MYH7B: variants seen among roughly 807,000 people sequenced by gnomAD.
MYH7B encodes myosin-7B.
Under a neutral mutation model 234.5 loss-of-function variants are expected in MYH7B, and 205 were observed. The observed-to-expected ratio is 0.87, with a 90% CI of 0.78 to 0.98. The LOEUF (loss-of-function observed/expected upper bound fraction) is 0.98. Ranked by LOEUF, MYH7B falls within the 50% of genes least tolerant of loss-of-function variation. The pLI, the probability that MYH7B is intolerant of heterozygous loss-of-function variation, is 0.00. For missense variants in MYH7B, 2,652 were observed against 2,633.4 expected, an observed-to-expected ratio of 1.01 and a Z score of -0.15; for synonymous variants, 1,193 against 1,105.0, an observed-to-expected ratio of 1.08 and a Z score of -1.58.
chr20:34,957,674 G>C (rs2081654507), intron 1 of MYH7B, among the ~76,000 whole-genome samples: 2 of 152,184 alleles, frequency 1.3e-5, no homozygotes, highest in African/African-American at 4.8e-5. Flanking sequence ...ATTTTTGGTA[G>C]AGACAGGGTT....
chr20:35,000,900 C>G lies in MYH7B; in HGVS notation c.5304+7C>G. 1 of 1,064,416 alleles carries G rather than the reference C, an allele frequency of 9.4e-7. No homozygotes were observed. Among genetic ancestry groups the G allele is most frequent in the Non-Finnish European group, 1.3e-6 (1 of 783,578 alleles). The allele number at this position is 1,064,416 out of a possible 1,614,324, so 65.9% of individuals were successfully genotyped here. A position where few individuals can be genotyped will look rare whatever the true frequency, so the allele number is the denominator to read the frequency against. On this transcript the variant is annotated splice_region_variant and intron_variant, in intron 40 of 44. Transcript: ENST00000262873. Reference sequence around the variant, plus strand: ...CAAAAAGGCCATCACTGATGTGAGGCTGGGCAAGGGCTGTGGGGAGCCTGG... The same window carrying G: ...CAAAAAGGCCATCACTGATGTGAGGGTGGGCAAGGGCTGTGGGGAGCCTGG...
intron 27 of MYH7B, among the ~76,000 whole-genome samples, chr20:34,994,827 A>C (rs928116371): frequency 6.6e-6 from 1 of 152,208 alleles, no homozygotes; most frequent in African/African-American, 2.4e-5. Flanking sequence ...TTTGTGTATC[A>C]ATTGTGTGCC....
Position 34,996,540 on chromosome 20 carries a change from C to CGA in MYH7B, c.3120+21_3120+22dup. On this transcript the variant is annotated intron_variant, in intron 29 of 44. Coordinates refer to ENST00000262873, the Ensembl canonical transcript of MYH7B. Reference sequence around the variant, plus strand: ...TGGAGGACGTGAGTCAGGGCCACCCCGAGACTGGGTGGCGGGGCCGGGGTG... The same window carrying CGA: ...TGGAGGACGTGAGTCAGGGCCACCCCGAGAGACTGGGTGGCGGGGCCGGGGTG... 2 of 1,605,346 alleles carry CGA rather than the reference C, an allele frequency of 1.2e-6. No homozygotes were observed. The highest frequency in any genetic ancestry group is 1.7e-6 in the Non-Finnish European group (2 of 1,175,468).
chr20:34,980,421 C>T (rs895393831), intron 7 of MYH7B, 157 bp from the exon 8 acceptor site: 4 of 667,846 alleles, frequency 6.0e-6, no homozygotes, highest in South Asian at 5.5e-5. Flanking sequence ...TGGTGGCACG[C>T]GCTTGTAGTC....
At chr20:34,998,183 T>C in intron 32 of MYH7B, 112 bp from the exon 33 acceptor site, 1 of 1,304,674 alleles carries the variant, frequency 7.7e-7, no homozygotes, top group Non-Finnish European at 1.1e-6. Context: ...TCCCTTTGAT[T>C]CCTGGGCCCA....
intron 24 of MYH7B, 76 bp downstream of exon 24, chr20:34,991,197 C>T (rs1178278258): frequency 9.8e-7 from 1 of 1,024,258 alleles, no homozygotes; most frequent in Non-Finnish European, 1.4e-6. Context: ...ATATCAGAGC[C>T]CAACAGACGG....
intron 24 of MYH7B, 78 bp from the exon 25 acceptor site, chr20:34,993,024 G>T: frequency 6.5e-7 from 1 of 1,544,852 alleles, no homozygotes; most frequent in Non-Finnish European, 8.8e-7. Flanking sequence ...AGCCTCCTCA[G>T]TCCCTGACTT....
At chr20:34,962,211 A>G (rs953688875) in intron 2 of MYH7B, among the ~76,000 whole-genome samples, 1 of 152,208 alleles carries the variant, frequency 6.6e-6, no homozygotes, top group Non-Finnish European at 1.5e-5. Flanking sequence ...TGGGTGACAG[A>G]GCGAGACCCT....
intron 28 of MYH7B, 135 bp from the exon 29 acceptor site, chr20:34,996,211 C>G (rs370453722): frequency 3.0e-6 from 3 of 1,009,896 alleles, no homozygotes; most frequent in Non-Finnish European, 1.4e-6. Context: ...CAGGCAGAAG[C>G]GGTGGAGGCT....
At chr20:34,987,244 G>A in exon 16 of MYH7B, 1 of 1,611,914 alleles carries the variant, frequency 6.2e-7, no homozygotes, top group Non-Finnish European at 8.5e-7. Context: ...TGAAGTTCAA[G>A]CAGAAGCAGC....
chr20:34,996,745 G>A lies in MYH7B; in HGVS notation c.3253G>A (p.Glu1085Lys), dbSNP rs1434809433. ...TGCTCAAGACAAGCAGCAGCTGGAG[G>A]AGAAGCTCAAGAAGTAGGTGTGGTG... The change falls in exon 30 of 45, where the codon GAG becomes AAG. Residue 1085 changes from glutamate (E) to lysine (K), a missense_variant. Transcript: ENST00000262873. The A allele has an allele frequency of 4.3e-6, 7 of 1,611,966 alleles. No homozygotes were observed. In the Admixed American group the frequency reaches 6.7e-5, roughly 15 times the overall value.
intron 2 of MYH7B, among the ~76,000 whole-genome samples, chr20:34,963,297 G>C (rs6088664): frequency 6.6e-6 from 1 of 152,014 alleles, no homozygotes; most frequent in Admixed American, 6.5e-5. Context: ...TGGCCATCCT[G>C]GTTGGTCATT....
At chr20:34,998,212 C>CT (rs2082300332) in intron 32 of MYH7B, 83 bp from the exon 33 acceptor site, 3 of 1,528,984 alleles carry the variant, frequency 2.0e-6, no homozygotes, top group Non-Finnish European at 2.7e-6. Flanking sequence ...TTACCAGTCT[C>CT]TGATCCCAGA....
At chr20:34,989,667 G>A (rs2082102160) in intron 19 of MYH7B, 73 bp from the exon 20 acceptor site, 2 of 1,451,122 alleles carry the variant, frequency 1.4e-6, no homozygotes, top group Non-Finnish European at 1.8e-6. Flanking sequence ...GAGGTGGCCT[G>A]GGGAACCAGG....
At chr20:34,990,455 C>A (rs772652105) in intron 22 of MYH7B, 145 bp downstream of exon 22, 4 of 969,888 alleles carry the variant, frequency 4.1e-6, no homozygotes, top group Non-Finnish European at 6.8e-6. Flanking sequence ...AACATCACAG[C>A]AAGTCTGTGC....
At chr20:34,999,993 C>T (rs1485300154) in intron 38 of MYH7B, 87 bp downstream of exon 38, 1 of 1,283,692 alleles carries the variant, frequency 7.8e-7, no homozygotes, top group Non-Finnish European at 1.1e-6. Context: ...CTGTCCCTCC[C>T]ATGGGACTTT....
chr20:34,987,458 C>T (rs538209178), intron 16 of MYH7B, 99 bp from the exon 17 acceptor site: 93 of 1,407,468 alleles, frequency 6.6e-5, no homozygotes, highest in South Asian at 4.4e-4. Context: ...TGAACTTGAC[C>T]CCTCTTAACT....
chr20:34,978,401 T>C (rs1013166133), intron 5 of MYH7B, among the ~76,000 whole-genome samples: 3 of 152,204 alleles, frequency 2.0e-5, no homozygotes, highest in Admixed American at 2.0e-4. Flanking sequence ...GAGATGAGAC[T>C]GATCGGCATG....
chr20:34,997,001 G>A, intron 30 of MYH7B, 82 bp from the exon 31 acceptor site: 2 of 1,396,282 alleles, frequency 1.4e-6, no homozygotes, highest in Non-Finnish European at 9.5e-7. Context: ...AGGGCCTGAA[G>A]GGGACTGGGG....
Sources: allele counts gnomAD v4.1 joint callset (sites outside exome capture counted in the v4.1 genomes callset), GRCh38; gene constraint gnomAD v4.1.1; transcripts MANE v1.5; gene names NCBI Gene and HGNC (gene_info 2026-07-23, HGNC 2026-07-21).